Variants in GRK3 observed in about 807,000 individuals in gnomAD.
GRK3 encodes the protein G protein-coupled receptor kinase 3.
Under a neutral mutation model 95.7 loss-of-function variants are expected in GRK3, and 54 were observed. The observed-to-expected ratio is 0.56, with a 90% confidence interval of 0.45 to 0.71. The LOEUF (loss-of-function observed/expected upper bound fraction) is 0.71. GRK3 is among the 30% of genes least tolerant of loss of function. The probability of loss-of-function intolerance (pLI) is 0.00; values close to 1 mark genes in which losing one functional copy is unlikely to be tolerated. For missense variants in GRK3, 649 were observed against 851.2 expected, an observed-to-expected ratio of 0.76 and a Z score of 2.96; for synonymous variants, 281 against 290.8, an observed-to-expected ratio of 0.97 and a Z score of 0.34.
chr22:25,647,155 A>C (rs1428026370), intron 3 of GRK3: 3 of 424,006 alleles, frequency 7.1e-6, no homozygotes, highest in Admixed American at 3.6e-5. Context: ...GAGGAGGTGG[A>C]GGAAGGAGAG....
intron 8 of GRK3, among the ~76,000 whole-genome samples, chr22:25,678,044 A>G (rs181638210): frequency 2.2e-4 from 34 of 152,138 alleles, no homozygotes; most frequent in African/African-American, 7.9e-4. Flanking sequence ...ATCAAAATTA[A>G]AAATAAATCA....
intron 17 of GRK3, among the ~76,000 whole-genome samples, chr22:25,712,722 A>C (rs540634688): frequency 1.3e-5 from 2 of 152,358 alleles, no homozygotes; most frequent in South Asian, 4.1e-4. Context: ...GCTTTCTCTG[A>C]GGATAAATGA....
chr22:25,649,645 A>C (rs1441068763), intron 3 of GRK3, among the ~76,000 whole-genome samples: 2 of 152,222 alleles, frequency 1.3e-5, no homozygotes, highest in Non-Finnish European at 2.9e-5. Flanking sequence ...AAATTAAAGA[A>C]TATCATGGGA....
chr22:25,604,450 A>T lies in GRK3; in HGVS notation c.187A>T (p.Ile63Phe). 6.2e-7 allele frequency: 1 copy of T among 1,609,656 alleles called. No individual in the cohort carries two copies. The highest frequency in any genetic ancestry group is 1.1e-5 in the South Asian group (1 of 90,692). Residue 63 changes from isoleucine to phenylalanine, a missense_variant, in exon 2 of 21, where the codon ATT (isoleucine) becomes TTT (phenylalanine). By Grantham distance (21) the Ile-to-Phe change is conservative. Around this residue, in one of 3 missense-constraint regions of GRK3, gnomAD observed 206 missense variants for 231.4 expected, o/e 0.89. Transcript: ENST00000324198. The part of the protein sequence containing the change: ...ITFDKIFNQK[I>F]GFLLFKDFCL... Reference sequence around the variant, plus strand: ...CTTTGACAAGATTTTCAATCAGAAAATTGGTAAGTCCTGCTTGTTCATTTG... The same window carrying T: ...CTTTGACAAGATTTTCAATCAGAAATTTGGTAAGTCCTGCTTGTTCATTTG...
At chr22:25,713,989 C>T (rs867956355) in intron 17 of GRK3, among the ~76,000 whole-genome samples, 32 of 152,306 alleles carry the variant, frequency 2.1e-4, no homozygotes, top group Middle Eastern at 6.8e-3. Flanking sequence ...TGGCTTCTCC[C>T]TTATAACTGT....
Position 25,687,604 on chromosome 22 carries a change from C to T in GRK3, c.894C>T (p.Ala298=), listed in dbSNP as rs1181625391. The part of the protein sequence containing the change: ...VFSEKEMRFY[A]TEIILGLEHM... ...CTGAGAAGGAGATGCGGTTTTATGC[C>T]ACTGAAATCATTCTGGGTCTGGAAC... Residue 298 remains alanine, a synonymous_variant, in exon 11 of 21, where the codon GCC becomes GCT. Transcript: ENST00000324198. The T allele has an allele frequency of 2.5e-6, 4 of 1,613,950 alleles. No homozygotes were observed. In the East Asian group the frequency reaches 8.9e-5, roughly 36 times the overall value.
chr22:25,617,587 G>C (rs910110874), intron 2 of GRK3, among the ~76,000 whole-genome samples: 4 of 152,120 alleles, frequency 2.6e-5, no homozygotes, highest in African/African-American at 9.7e-5. Context: ...GCATAGTCTT[G>C]CCCTTTGGGT....
intron 15 of GRK3, among the ~76,000 whole-genome samples, chr22:25,707,631 G>C (rs891626701): frequency 6.6e-6 from 1 of 152,204 alleles, no homozygotes; most frequent in Non-Finnish European, 1.5e-5. Context: ...AGGAGTCAGC[G>C]AGGGAGGACT....
chr22:25,622,266 A>G (rs2084591947), intron 2 of GRK3, among the ~76,000 whole-genome samples: 1 of 152,212 alleles, frequency 6.6e-6, no homozygotes, highest in Non-Finnish European at 1.5e-5. Context: ...GGTGTGCAGC[A>G]GGTCCTGGAA....
intron 18 of GRK3, 134 bp from the exon 19 acceptor site, chr22:25,718,111 A>C: frequency 2.1e-6 from 2 of 935,202 alleles, no homozygotes; most frequent in Non-Finnish European, 3.3e-6. Flanking sequence ...TAAAATCGTG[A>C]CTTCTGTAAT....
At chr22:25,691,557 T>A (rs1014885726) in intron 12 of GRK3, among the ~76,000 whole-genome samples, 5 of 152,276 alleles carry the variant, frequency 3.3e-5, no homozygotes, top group Non-Finnish European at 7.3e-5. Context: ...GCTAGCACTT[T>A]ACAATTATTA....
intron 3 of GRK3, among the ~76,000 whole-genome samples, chr22:25,659,930 A>G (rs778259979): frequency 4.6e-5 from 7 of 152,134 alleles, no homozygotes; most frequent in African/African-American, 1.4e-4. Flanking sequence ...CCAGGTGTCA[A>G]TTTGCTTTGC....
At chr22:25,569,744 A>T (rs1282522831) in intron 1 of GRK3, among the ~76,000 whole-genome samples, 1 of 152,200 alleles carries the variant, frequency 6.6e-6, no homozygotes, top group African/African-American at 2.4e-5. Context: ...GGGAAAGAGA[A>T]GTTTAACGTC....
chr22:25,648,502 C>A, intron 3 of GRK3: 1 of 1,447,426 alleles, frequency 6.9e-7, no homozygotes, highest in Non-Finnish European at 9.7e-7. Flanking sequence ...AATGGAACCA[C>A]AAAAGTAGCA....
intron 3 of GRK3, among the ~76,000 whole-genome samples, chr22:25,650,590 C>T (rs539452546): frequency 2.6e-5 from 4 of 151,796 alleles, no homozygotes; most frequent in East Asian, 3.9e-4. Context: ...CAAAGAAATA[C>T]GAGAAAAGAA....
At chr22:25,714,177 C>A (rs1397769729) in intron 17 of GRK3, among the ~76,000 whole-genome samples, 1 of 152,230 alleles carries the variant, frequency 6.6e-6, no homozygotes, top group Non-Finnish European at 1.5e-5. Context: ...TGTAGCTGAT[C>A]CAGGACTGAA....
intron 15 of GRK3, 109 bp downstream of exon 15, chr22:25,704,318 C>A: frequency 1.4e-6 from 1 of 717,982 alleles, no homozygotes; most frequent in Non-Finnish European, 2.3e-6. Context: ...TCCATTTTGA[C>A]TTGAAAGGGG....
At chr22:25,663,518 G>T in intron 4 of GRK3, 112 bp from the exon 5 acceptor site, 1 of 615,310 alleles carries the variant, frequency 1.6e-6, no homozygotes, top group Non-Finnish European at 2.8e-6. Context: ...TATAATTACC[G>T]TAGGTTACTG....
chr22:25,604,504 G>A (rs1413045537), intron 2 of GRK3, 51 bp downstream of exon 2: 1 of 1,318,690 alleles, frequency 7.6e-7, no homozygotes, highest in Non-Finnish European at 1.1e-6. Flanking sequence ...GATGAAATTG[G>A]GCGATACTAT....
Sources: allele counts gnomAD v4.1 joint callset (sites outside exome capture counted in the v4.1 genomes callset), GRCh38; gene constraint gnomAD v4.1.1; regional missense constraint gnomAD v4.1.1; transcripts MANE v1.5; gene names NCBI Gene and HGNC (gene_info 2026-07-23, HGNC 2026-07-21).